SLC36A1: variants seen among roughly 807,000 people sequenced by gnomAD.
The protein encoded by SLC36A1 is solute carrier family 36 member 1, also known as proton-coupled amino acid transporter 1.
SLC36A1 carries 30 observed loss-of-function variants against 47.5 expected under a neutral mutation model. The ratio of observed to expected loss-of-function variants is 0.63; its 90% CI spans 0.47 to 0.86. The LOEUF (loss-of-function observed/expected upper bound fraction) is 0.86. SLC36A1 is among the 40% of genes least tolerant of loss of function. The pLI, the probability that SLC36A1 is intolerant of heterozygous loss-of-function variation, is 0.00. For synonymous variants in SLC36A1, 255 were observed against 249.7 expected (o/e 1.02, Z -0.20); for missense variants, 517 against 606.0 (o/e 0.85, Z 1.54).
At chr5:151,354,426 G>A in the SLC36A1 span, among the ~76,000 whole-genome samples, 1 of 152,184 alleles carries the variant, frequency 6.6e-6, no homozygotes, top group African/African-American at 2.4e-5. Flanking sequence ...GATCAGTGCA[G>A]AACAGCCACC....
chr5:151,536,268 T>C, the SLC36A1 span, among the ~76,000 whole-genome samples: 1 of 152,182 alleles, frequency 6.6e-6, no homozygotes. Flanking sequence ...ATCCTGAAGC[T>C]GAACAAAGAG....
intron 3 of SLC36A1, 135 bp downstream of exon 3, chr5:151,463,778 A>G (rs1350049838): frequency 2.3e-5 from 16 of 688,772 alleles, no homozygotes; most frequent in Non-Finnish European, 4.1e-5. Flanking sequence ...AAAAAGCGGA[A>G]TTCAGACATT....
the SLC36A1 span, among the ~76,000 whole-genome samples, chr5:151,374,975 A>G: frequency 1.3e-5 from 2 of 150,332 alleles, no homozygotes; most frequent in South Asian, 4.2e-4. Context: ...TGTTGGATGC[A>G]TAGTTTGCAA....
chr5:151,531,835 C>T, the SLC36A1 span: 6 of 1,613,970 alleles, frequency 3.7e-6, no homozygotes, highest in South Asian at 2.2e-5. The surrounding 1 kb of genome is among the most constrained non-coding windows in gnomAD (Gnocchi z 5.7). Context: ...GTCAGAGGCA[C>T]GGACCGTGAG....
the SLC36A1 span, among the ~76,000 whole-genome samples, chr5:151,409,569 C>G: frequency 6.6e-6 from 1 of 152,270 alleles, no homozygotes; most frequent in South Asian, 2.1e-4. Context: ...GCTTTTGACT[C>G]AAAATGTGGG....
chr5:151,538,843 AT>A, the SLC36A1 span, among the ~76,000 whole-genome samples: 1,098 of 143,582 alleles, frequency 7.6e-3, 13 homozygotes, highest in Admixed American at 0.026. Context: ...CACCTGGCTA[AT>A]TTTTTTTTTT....
chr5:151,534,938 T>A, the SLC36A1 span, among the ~76,000 whole-genome samples: 1 of 144,872 alleles, frequency 6.9e-6, no homozygotes, highest in Non-Finnish European at 1.5e-5. Flanking sequence ...AAAATGCATT[T>A]ATCCTTTGGT....
At chr5:151,501,172 A>AT in the SLC36A1 span, among the ~76,000 whole-genome samples, 1 of 152,178 alleles carries the variant, frequency 6.6e-6, no homozygotes, top group Admixed American at 6.5e-5. Flanking sequence ...GGACCAGGTC[A>AT]TTGTTTCCCA....
chr5:151,363,540 G>A, the SLC36A1 span, among the ~76,000 whole-genome samples: 1 of 152,148 alleles, frequency 6.6e-6, no homozygotes, highest in Non-Finnish European at 1.5e-5. Context: ...ACTGAAGCCA[G>A]CTTGCTTCAA....
chr5:151,520,741 T>C, the SLC36A1 span, among the ~76,000 whole-genome samples: 1 of 152,232 alleles, frequency 6.6e-6, no homozygotes, highest in African/African-American at 2.4e-5. Flanking sequence ...TAGTGACTGA[T>C]GGAGCTAGGG....
At position 151,476,516 on chromosome 5, in the gene SLC36A1, A is replaced by G. The variant is rs1423724264; in HGVS notation, c.823-74A>G. The G allele has an allele frequency of 4.2e-6, 5 of 1,179,162 alleles. No individual in the cohort carries two copies. In the African/African-American group the frequency reaches 7.7e-5, roughly 18 times the overall value. 73.0% of individuals were successfully genotyped at this position (1,179,162 alleles called of 1,614,324 possible). A position where few individuals can be genotyped will look rare whatever the true frequency, so the allele number is the denominator to read the frequency against. ...GGATAAAAGAGTTACTTTTTTTCTG[A>G]GGTTTTTTTTTTTCTTGGCCATTAA... On this transcript the variant is annotated intron_variant, in intron 8 of 10. Transcript: ENST00000243389.
At chr5:151,511,737 A>T in the SLC36A1 span, 50 of 177,582 alleles carry the variant, frequency 2.8e-4, 1 homozygote, top group Middle Eastern at 2.9e-3. Context: ...TAAATTGGAA[A>T]TTCAAGCATA....
the SLC36A1 span, chr5:151,505,445 TG>T: frequency 1.6e-6 from 2 of 1,230,990 alleles, no homozygotes; most frequent in Non-Finnish European, 2.3e-6. Context: ...GACAACAGCC[TG>T]GGCTGAGGGC....
Position 151,492,353 on chromosome 5 carries a change from A to G in SLC36A1, c.*4099A>G, listed in dbSNP as rs1324406739. On this transcript the variant is annotated 3_prime_UTR_variant, in exon 11 of 11. Coordinates refer to ENST00000243389, the MANE Select transcript of SLC36A1 (RefSeq NM_078483.4). ...TCGTATGTTAAGCTTTTTCTTTTCA[A>G]TAAATGAATTTTATTTTTATTTTTG... The G allele has an allele frequency of 6.6e-6, 1 of 151,750 alleles. No homozygotes were observed. Among genetic ancestry groups the G allele is most frequent in the Non-Finnish European group, 1.5e-5 (1 of 67,950 alleles). The allele number at this position is 151,750 out of a possible 1,614,324, so 9.4% of individuals were successfully genotyped here. A position where few individuals can be genotyped will look rare whatever the true frequency, so the allele number is the denominator to read the frequency against.
the SLC36A1 span, chr5:151,522,228 A>G: frequency 2.5e-5 from 13 of 511,224 alleles, no homozygotes; most frequent in Non-Finnish European, 3.8e-5. Flanking sequence ...TTGCATTTAG[A>G]AAAAAAAAAC....
intron 1 of SLC36A1, chr5:151,452,333 A>G (rs2127455621): frequency 6.6e-6 from 1 of 152,344 alleles, no homozygotes; most frequent in African/African-American, 2.4e-5. Context: ...GTCTTTGTTC[A>G]TGTTTTTAGA....
Position 151,489,053 on chromosome 5 carries a change from G to C in SLC36A1, c.*799G>C, listed in dbSNP as rs1330663514. On this transcript the variant is annotated 3_prime_UTR_variant, in exon 11 of 11. Transcript: ENST00000243389. The surrounding 1 kb of genome is among the most constrained non-coding windows in gnomAD (Gnocchi z 4.5). ...AAACTTTGACTCAACTTCTCCTGCT[G>C]AAAAGAAGCTCGCTCCAGATGTCTG... 6.6e-6 allele frequency: 1 copy of C among 152,108 alleles called. No homozygotes were observed. Among genetic ancestry groups the C allele is most frequent in the Non-Finnish European group, 1.5e-5 (1 of 68,042 alleles). The allele number at this position is 152,108 out of a possible 1,614,324, so 9.4% of individuals were successfully genotyped here. A position where few individuals can be genotyped will look rare whatever the true frequency, so the allele number is the denominator to read the frequency against.
the SLC36A1 span, chr5:151,382,032 C>A: frequency 1.5e-6 from 1 of 662,472 alleles, no homozygotes; most frequent in Non-Finnish European, 2.7e-6. Context: ...CCCGGGAGCT[C>A]TCCCAGTCTT....
At chr5:151,358,188 T>A in the SLC36A1 span, among the ~76,000 whole-genome samples, 1 of 152,230 alleles carries the variant, frequency 6.6e-6, no homozygotes, top group Non-Finnish European at 1.5e-5. Context: ...TTAGTTTGCA[T>A]ACTAAGTTAG....
Sources: gnomAD v4.1 joint callset for allele counts (sites outside exome capture counted in the v4.1 genomes callset) on GRCh38, gnomAD v4.1.1 for gene constraint, Gnocchi (gnomAD v3.1) non-coding constraint, MANE v1.5 for transcripts, NCBI Gene and HGNC (gene_info 2026-07-23, HGNC 2026-07-21) for gene names.